DPP6: variants seen among roughly 807,000 people sequenced by gnomAD.
DPP6 encodes A-type potassium channel modulatory protein DPP6.
DPP6 carries 69 observed loss-of-function variants against 122.6 expected under a neutral mutation model. The observed-to-expected ratio is 0.56, with a 90% CI of 0.46 to 0.69. The LOEUF (loss-of-function observed/expected upper bound fraction) is 0.69. DPP6 is among the 30% of genes least tolerant of loss of function. The pLI is 0.00. For missense variants in DPP6, 928 were observed against 1,116.9 expected, an observed-to-expected ratio of 0.83 and a Z score of 2.41; for synonymous variants, 418 against 433.1, an observed-to-expected ratio of 0.97 and a Z score of 0.43.
rs141916187 is a variant in DPP6, at chr7:154,346,198, C to G, written c.244-100016C>G. Among the ~76,000 whole-genome samples the G allele has an allele frequency of 2.7e-3, 416 of 152,232 alleles. 1 individual carries two copies. Among genetic ancestry groups the G allele is most frequent in the Non-Finnish European group, 4.5e-3 (309 of 68,022 alleles). ...CTTTCTCAGAGGTTGGCCCAGACTCCCAGGATAAAGGAAAGACCATTTGGG... is the reference window on the plus strand; with the variant it reads ...CTTTCTCAGAGGTTGGCCCAGACTCGCAGGATAAAGGAAAGACCATTTGGG... On this transcript the variant is annotated intron_variant, in intron 1 of 25. Coordinates refer to ENST00000377770, the MANE Select transcript of DPP6 (RefSeq NM_130797.4).
chr7:154,116,549 G>A (rs926552200), intron 1 of DPP6, among the ~76,000 whole-genome samples: 1 of 152,170 alleles, frequency 6.6e-6, no homozygotes, highest in Non-Finnish European at 1.5e-5. Flanking sequence ...AAAACCTAAA[G>A]TATTTGGTCT....
chr7:154,692,781 CTTTTTTTTT>C (rs200799193), intron 7 of DPP6, among the ~76,000 whole-genome samples: 28,278 of 141,522 alleles, frequency 0.2, 4,111 homozygotes, highest in African/African-American at 0.41. Flanking sequence ...TTCTCTCTCT[CTTTTTTTTT>C]TTTTTTTTTG....
chr7:154,222,949 T>G (rs2150832960), intron 1 of DPP6, among the ~76,000 whole-genome samples: 1 of 149,106 alleles, frequency 6.7e-6, no homozygotes, highest in East Asian at 2.0e-4. Context: ...TGTAGGACCC[T>G]GACACCCCTT....
intron 8 of DPP6, among the ~76,000 whole-genome samples, chr7:154,730,598 A>T (rs1300238978): frequency 6.6e-6 from 1 of 152,220 alleles, no homozygotes; most frequent in Non-Finnish European, 1.5e-5. Context: ...AAAGATGTTT[A>T]AAAAAGAAAA....
chr7:154,800,182 C>T (rs1227135699), intron 12 of DPP6, among the ~76,000 whole-genome samples: 1 of 152,194 alleles, frequency 6.6e-6, no homozygotes, highest in African/African-American at 2.4e-5. Flanking sequence ...ATGCTTCCAA[C>T]TCTAAATAGG....
intron 1 of DPP6, among the ~76,000 whole-genome samples, chr7:154,400,931 A>G (rs1199243412): frequency 6.6e-6 from 1 of 152,134 alleles, no homozygotes; most frequent in Admixed American, 6.6e-5. Flanking sequence ...GGCTGGGCGC[A>G]GTGGCTCACA....
chr7:154,146,516 C>T (rs549116426), intron 1 of DPP6, among the ~76,000 whole-genome samples: 1 of 152,310 alleles, frequency 6.6e-6, no homozygotes, highest in South Asian at 2.1e-4. Context: ...TTCTTTCCCT[C>T]CCTCCCTGCC....
At chr7:154,362,691 C>T (rs1811830724) in intron 1 of DPP6, among the ~76,000 whole-genome samples, 1 of 151,650 alleles carries the variant, frequency 6.6e-6, no homozygotes, top group East Asian at 1.9e-4. Flanking sequence ...TCCCAAAGTG[C>T]TGAGATTATA....
chr7:153,753,925 A>G, the DPP6 span, among the ~76,000 whole-genome samples: 1 of 152,178 alleles, frequency 6.6e-6, no homozygotes, highest in African/African-American at 2.4e-5. Flanking sequence ...TCTACCAATG[A>G]ATTACTAAAA....
At chr7:154,071,564 A>G (rs1317401578) in intron 1 of DPP6, among the ~76,000 whole-genome samples, 1 of 152,232 alleles carries the variant, frequency 6.6e-6, no homozygotes, top group Admixed American at 6.5e-5. Flanking sequence ...CATACGGAAA[A>G]GTGGAGGGAA....
intron 1 of DPP6, among the ~76,000 whole-genome samples, chr7:154,261,013 A>G (rs1743140105): frequency 6.6e-6 from 1 of 151,994 alleles, no homozygotes; most frequent in Non-Finnish European, 1.5e-5. Context: ...CTCCTGCCTC[A>G]GCCTCCCAAG....
chr7:154,270,205 G>A (rs1033089170), intron 1 of DPP6, among the ~76,000 whole-genome samples: 4 of 152,110 alleles, frequency 2.6e-5, no homozygotes, highest in East Asian at 1.9e-4. Context: ...GTATTTAATC[G>A]TGGTTATTGA....
intron 1 of DPP6, among the ~76,000 whole-genome samples, chr7:154,116,549 G>C (rs926552200): frequency 3.9e-5 from 6 of 152,170 alleles, no homozygotes; most frequent in African/African-American, 1.2e-4. Flanking sequence ...AAAACCTAAA[G>C]TATTTGGTCT....
chr7:154,207,882 G>A (rs968397768), intron 1 of DPP6, among the ~76,000 whole-genome samples: 3 of 151,846 alleles, frequency 2.0e-5, no homozygotes, highest in African/African-American at 7.3e-5. Flanking sequence ...TTGAACCTGG[G>A]AGGCAGAGGT....
intron 16 of DPP6, among the ~76,000 whole-genome samples, chr7:154,830,617 A>G (rs1800557071): frequency 6.6e-6 from 1 of 152,222 alleles, no homozygotes; most frequent in African/African-American, 2.4e-5. Flanking sequence ...GGTTCTAAGC[A>G]AAGGGTAGCA....
rs1796123384 is a variant in DPP6 at position 154,769,602 on chromosome 7, T to C, written c.1038+31T>C. The C allele has an allele frequency of 3.3e-6, 5 of 1,534,898 alleles. No homozygotes were observed. The African/African-American group carries it at 6.9e-5, about 21-fold the overall frequency. ...CAAAGGGACACCGCACAGCAAATTC[T>C]TTATATTATTCATGAACACCCCAAC... is the stretch of plus-strand genomic sequence containing the variant. On this transcript the variant is annotated intron_variant, in intron 9 of 25. Coordinates refer to ENST00000377770, the MANE Select transcript of DPP6 (RefSeq NM_130797.4).
At chr7:153,964,105 C>T (rs1157409298) in intron 1 of DPP6, among the ~76,000 whole-genome samples, 1 of 152,178 alleles carries the variant, frequency 6.6e-6, no homozygotes, top group Non-Finnish European at 1.5e-5. Flanking sequence ...AAGTGATTCT[C>T]CTGCCTCAGC....
intron 1 of DPP6, among the ~76,000 whole-genome samples, chr7:154,412,941 C>T (rs951490759): frequency 6.6e-6 from 1 of 152,220 alleles, no homozygotes; most frequent in Non-Finnish European, 1.5e-5. Flanking sequence ...TGAGAAACAC[C>T]TTTCTTAGGG....
chr7:153,778,513 A>C, the DPP6 span, among the ~76,000 whole-genome samples: 1 of 150,290 alleles, frequency 6.7e-6, no homozygotes, highest in East Asian at 1.9e-4. Context: ...AGGTTTATTT[A>C]GGTATAATTT....
Sources: gnomAD v4.1 joint callset for allele counts (sites outside exome capture counted in the v4.1 genomes callset) on GRCh38, gnomAD v4.1.1 for gene constraint, MANE v1.5 for transcripts, NCBI Gene and HGNC (gene_info 2026-07-23, HGNC 2026-07-21) for gene names.